SH3RF1: variants seen among roughly 807,000 people sequenced by gnomAD.
The protein encoded by SH3RF1 is E3 ubiquitin-protein ligase SH3RF1.
Under a neutral mutation model 74.0 loss-of-function variants are expected in SH3RF1, and 32 were observed. That is an observed-to-expected ratio of 0.43 (90% confidence interval 0.33 to 0.58). The LOEUF is 0.58. SH3RF1 is among the 20% of genes least tolerant of loss of function. The probability of loss-of-function intolerance (pLI) is 0.05; values close to 1 mark genes in which losing one functional copy is unlikely to be tolerated. For missense variants in SH3RF1, 954 were observed against 1,130.9 expected (o/e 0.84, Z 2.24); for synonymous variants, 396 against 439.6 (o/e 0.90, Z 1.24).
At chr4:169,140,277 T>A (rs1733762739) in intron 4 of SH3RF1, among the ~76,000 whole-genome samples, 2 of 152,234 alleles carry the variant, frequency 1.3e-5, no homozygotes, top group Admixed American at 6.5e-5. Flanking sequence ...AGAATTTTGA[T>A]AAAATTCATG....
At chr4:169,165,081 T>C (rs2126969687) in intron 2 of SH3RF1, among the ~76,000 whole-genome samples, 1 of 152,336 alleles carries the variant, frequency 6.6e-6, no homozygotes, top group South Asian at 2.1e-4. Context: ...ACTGGGAAGA[T>C]TCTCTGCAGT....
intron 6 of SH3RF1, among the ~76,000 whole-genome samples, chr4:169,123,349 A>T (rs536286341): frequency 3.9e-4 from 59 of 152,350 alleles, no homozygotes; most frequent in African/African-American, 1.2e-3. Flanking sequence ...GTGGAAAAAA[A>T]TTTCAAATTT....
intron 11 of SH3RF1, among the ~76,000 whole-genome samples, chr4:169,104,513 G>A (rs1316069523): frequency 6.6e-6 from 1 of 152,192 alleles, no homozygotes; most frequent in African/African-American, 2.4e-5. Flanking sequence ...CATTTGTAGG[G>A]AGAGAACACT....
chr4:169,175,364 T>C (rs528760297), intron 2 of SH3RF1, among the ~76,000 whole-genome samples: 4 of 152,314 alleles, frequency 2.6e-5, no homozygotes, highest in African/African-American at 7.2e-5. Context: ...TTCTATCATC[T>C]GGTCCCGGCT....
At chr4:169,173,322 C>T (rs748093400) in intron 2 of SH3RF1, among the ~76,000 whole-genome samples, 13 of 152,024 alleles carry the variant, frequency 8.6e-5, no homozygotes, top group African/African-American at 1.2e-4. Flanking sequence ...GACTCAGGCA[C>T]CTTAACAAAA....
intron 10 of SH3RF1, among the ~76,000 whole-genome samples, chr4:169,108,931 G>C (rs1433118032): frequency 6.6e-6 from 1 of 152,190 alleles, no homozygotes; most frequent in Non-Finnish European, 1.5e-5. Flanking sequence ...CCAGGCCTAA[G>C]GAAATAAAGG....
intron 2 of SH3RF1, among the ~76,000 whole-genome samples, chr4:169,266,664 T>A (rs1362430861): frequency 6.6e-6 from 1 of 151,994 alleles, no homozygotes; most frequent in East Asian, 1.9e-4. Flanking sequence ...GGGGTCTTGC[T>A]ATGTTGTCTA....
intron 8 of SH3RF1, among the ~76,000 whole-genome samples, 194 bp from the exon 9 acceptor site, chr4:169,117,976 T>C (rs1733365820): frequency 6.6e-6 from 1 of 152,228 alleles, no homozygotes; most frequent in Non-Finnish European, 1.5e-5. Context: ...TCTTGAAATA[T>C]ATTCTGAGTC....
intron 2 of SH3RF1, among the ~76,000 whole-genome samples, chr4:169,198,815 C>A (rs982118399): frequency 6.6e-6 from 1 of 151,980 alleles, no homozygotes; most frequent in Admixed American, 6.6e-5. Flanking sequence ...CAGACTTCAA[C>A]GGAAACAATA....
At chr4:169,156,360 G>A (rs1734052588) in intron 3 of SH3RF1, 44 bp downstream of exon 3, 2 of 1,517,240 alleles carry the variant, frequency 1.3e-6, no homozygotes, top group Non-Finnish European at 1.8e-6. Flanking sequence ...TCTGGGTACA[G>A]AGGTAGAGCT....
At chr4:169,149,747 GA>G (rs1172418597) in intron 4 of SH3RF1, among the ~76,000 whole-genome samples, 3 of 151,886 alleles carry the variant, frequency 2.0e-5, no homozygotes, top group Non-Finnish European at 4.4e-5. Context: ...ACATCTAAAG[GA>G]AAAAATATAT....
At chr4:169,173,203 G>T (rs1734361539) in intron 2 of SH3RF1, among the ~76,000 whole-genome samples, 1 of 152,052 alleles carries the variant, frequency 6.6e-6, no homozygotes, top group Admixed American at 6.5e-5. Flanking sequence ...TAAAAGAAAA[G>T]AAGCAAATCT....
At chr4:169,256,407 A>C (rs935523956) in intron 2 of SH3RF1, among the ~76,000 whole-genome samples, 11 of 152,186 alleles carry the variant, frequency 7.2e-5, no homozygotes, top group Non-Finnish European at 1.3e-4. Context: ...TGACTGACTC[A>C]ACCAGTGTCA....
rs531604223 is a variant in SH3RF1, at chr4:169,207,985, G to C, written c.394-51306C>G. Among the ~76,000 whole-genome samples, 4 of 152,170 alleles carry C rather than the reference G, an allele frequency of 2.6e-5. No individual in the cohort carries two copies. The South Asian group carries it at 8.3e-4, about 32-fold the overall frequency. On this transcript the variant is annotated intron_variant, in intron 2 of 11. Coordinates refer to ENST00000284637, the MANE Select transcript of SH3RF1 (RefSeq NM_020870.4). ...AGAGAAGCAGGGTCCTGGGATGAGG[G>C]GGATGGGAACCAAAACAAAATTGAA...
intron 6 of SH3RF1, among the ~76,000 whole-genome samples, chr4:169,125,929 A>T (rs1208395247): frequency 1.3e-5 from 2 of 152,134 alleles, no homozygotes. Context: ...TAAATTATAA[A>T]TTTTTTGTTC....
chr4:169,182,031 T>C (rs1361073747), intron 2 of SH3RF1, among the ~76,000 whole-genome samples: 1 of 152,228 alleles, frequency 6.6e-6, no homozygotes, highest in African/African-American at 2.4e-5. Flanking sequence ...TCTGGAGCTA[T>C]GCCCAGCACA....
At chr4:169,191,217 G>A (rs1469808921) in intron 2 of SH3RF1, among the ~76,000 whole-genome samples, 2 of 149,200 alleles carry the variant, frequency 1.3e-5, no homozygotes, top group African/African-American at 4.9e-5. Flanking sequence ...ATTAATGTAC[G>A]CAGATCAGTA....
intron 2 of SH3RF1, among the ~76,000 whole-genome samples, chr4:169,261,478 G>A (rs1381345670): frequency 6.6e-6 from 1 of 151,946 alleles, no homozygotes; most frequent in Non-Finnish European, 1.5e-5. Context: ...TTTGGGATCA[G>A]AAATTGGACA....
chr4:169,178,876 G>T (rs1385101386), intron 2 of SH3RF1, among the ~76,000 whole-genome samples: 1 of 152,192 alleles, frequency 6.6e-6, no homozygotes, highest in African/African-American at 2.4e-5. Flanking sequence ...TAGTATGGAA[G>T]AGTTTTAGGT....
Sources: gnomAD v4.1 joint callset for allele counts (sites outside exome capture counted in the v4.1 genomes callset) on GRCh38, gnomAD v4.1.1 for gene constraint, MANE v1.5 for transcripts, NCBI Gene and HGNC (gene_info 2026-07-23, HGNC 2026-07-21) for gene names.